Variants in BICD1 observed in about 807,000 individuals in gnomAD.
BICD1 encodes the protein protein bicaudal D homolog 1.
Under a neutral mutation model 92.5 loss-of-function variants are expected in BICD1, and 35 were observed. That is an observed-to-expected ratio of 0.38 (90% CI 0.29 to 0.50). The LOEUF is 0.50. BICD1 is among the 20% of genes least tolerant of loss of function. The probability of loss-of-function intolerance (pLI) is 0.93; values close to 1 mark genes in which losing one functional copy is unlikely to be tolerated. For synonymous variants in BICD1, 429 were observed against 465.1 expected, an observed-to-expected ratio of 0.92 and a Z score of 1.00; for missense variants, 950 against 1,189.8, an observed-to-expected ratio of 0.80 and a Z score of 2.97.
chr12:32,235,765 A>C (rs1023009409), intron 2 of BICD1, among the ~76,000 whole-genome samples: 2 of 147,064 alleles, frequency 1.4e-5, no homozygotes, highest in Admixed American at 1.4e-4. Context: ...CAGTGGTGCG[A>C]TCTTGGCTCA....
At chr12:32,281,405 T>C (rs896732770) in intron 2 of BICD1, among the ~76,000 whole-genome samples, 3 of 152,182 alleles carry the variant, frequency 2.0e-5, no homozygotes, top group African/African-American at 7.2e-5. Context: ...CAACAGAGAA[T>C]TGGGCTTGCC....
rs2136264263 is a variant in BICD1, at chr12:32,328,921, C to T, written c.2100+366C>T. 6.6e-6 allele frequency among the ~76,000 whole-genome samples: 1 copy of T among 152,120 alleles called. No homozygotes were observed. The highest frequency in any genetic ancestry group is 1.5e-5 in the Non-Finnish European group (1 of 68,004). ...CAGAATAGGCTGGCAAGGCAGGTTA[C>T]ACCAACCAGGGCGATACAGCAAGAA... On this transcript the variant is annotated intron_variant, in intron 5 of 9. Coordinates refer to ENST00000652176, the MANE Select transcript of BICD1 (RefSeq NM_001714.4). This position sits in a 1 kb window ranked among gnomAD's most constrained non-coding sequence, Gnocchi z 4.4.
At chr12:32,243,125 G>T (rs1252088054) in intron 2 of BICD1, among the ~76,000 whole-genome samples, 1 of 151,400 alleles carries the variant, frequency 6.6e-6, no homozygotes, top group South Asian at 2.1e-4. Flanking sequence ...TTGAGACAGG[G>T]TCTCACTCTT....
At chr12:32,134,498 T>G (rs550412378) in intron 1 of BICD1, among the ~76,000 whole-genome samples, 1 of 152,304 alleles carries the variant, frequency 6.6e-6, no homozygotes, top group East Asian at 1.9e-4. Context: ...AAAAAAGACC[T>G]TCTCTAATGT....
At chr12:32,249,941 A>G (rs528389373) in intron 2 of BICD1, among the ~76,000 whole-genome samples, 1 of 151,650 alleles carries the variant, frequency 6.6e-6, no homozygotes, top group East Asian at 1.9e-4. Context: ...GGGTTGGCAT[A>G]CCAGATCATT....
At chr12:32,154,034 G>A (rs1476380489) in intron 1 of BICD1, among the ~76,000 whole-genome samples, 2 of 151,900 alleles carry the variant, frequency 1.3e-5, no homozygotes, top group East Asian at 1.9e-4. Context: ...AGTTGCAGAC[G>A]GGAAAGGGAC....
chr12:32,264,739 T>C (rs768525508), intron 2 of BICD1, among the ~76,000 whole-genome samples: 1 of 152,202 alleles, frequency 6.6e-6, no homozygotes, highest in Non-Finnish European at 1.5e-5. Flanking sequence ...TCCACCTACC[T>C]TGGCCTCCCA....
intron 1 of BICD1, among the ~76,000 whole-genome samples, chr12:32,153,066 C>T (rs1387532353): frequency 1.3e-5 from 2 of 152,188 alleles, no homozygotes; most frequent in African/African-American, 4.8e-5. Flanking sequence ...TTGCTCTCCT[C>T]TCTCCCTCTC....
chr12:32,117,709 TATACACAC>T (rs1565526182), intron 1 of BICD1, among the ~76,000 whole-genome samples: 11 of 85,194 alleles, frequency 1.3e-4, no homozygotes, highest in South Asian at 8.4e-4. Flanking sequence ...CACAAATATA[TATACACAC>T]ACACACACAC....
chr12:32,376,474 A>G (rs61927173), intron 9 of BICD1, among the ~76,000 whole-genome samples: 66,051 of 151,884 alleles, frequency 0.43, 14,911 homozygotes, highest in East Asian at 0.58. Flanking sequence ...TTATTCTTCA[A>G]GATTATTCAT....
chr12:32,242,257 G>A (rs1447424565), intron 2 of BICD1, among the ~76,000 whole-genome samples: 6 of 145,516 alleles, frequency 4.1e-5, no homozygotes, highest in Admixed American at 7.0e-5. Flanking sequence ...CATATGCAGT[G>A]GCTCATGTCT....
At chr12:32,271,422 G>A (rs1266256518) in intron 2 of BICD1, among the ~76,000 whole-genome samples, 1 of 152,190 alleles carries the variant, frequency 6.6e-6, no homozygotes, top group Non-Finnish European at 1.5e-5. Flanking sequence ...GACAGACCAT[G>A]ACCTTAATTA....
At chr12:32,335,580 C>CT (rs11423390) in intron 6 of BICD1, among the ~76,000 whole-genome samples, 47,633 of 131,900 alleles carry the variant, frequency 0.36, 10,140 homozygotes, top group East Asian at 0.63. Context: ...AAAAGACCTA[C>CT]TTTTTTTTTT....
Position 32,107,165 on chromosome 12 carries a change from C to A in BICD1, c.-167C>A. On this transcript the variant is annotated 5_prime_UTR_variant, in exon 1 of 10. In the 5' UTR this introduces an upstream ATG that the reference lacks. Transcript: ENST00000652176. ...CTCGTCAGTTTCTCGGGCGGTGTAG[C>A]TGCCGCTGCCACCAGAGCCGGCGGG... 1 of 661,576 alleles carries A rather than the reference C, an allele frequency of 1.5e-6. No homozygotes were observed. Among genetic ancestry groups the A allele is most frequent in the Non-Finnish European group, 2.6e-6 (1 of 387,346 alleles). The allele number at this position is 661,576 out of a possible 1,614,324, so 41.0% of individuals were successfully genotyped here.
intron 4 of BICD1, among the ~76,000 whole-genome samples, chr12:32,311,313 T>C (rs1349407000): frequency 6.6e-6 from 1 of 152,038 alleles, no homozygotes; most frequent in Non-Finnish European, 1.5e-5. Context: ...CTGGCCAACA[T>C]GGTGAAACCC....
At chr12:32,125,399 G>A (rs1186188631) in intron 1 of BICD1, among the ~76,000 whole-genome samples, 1 of 152,154 alleles carries the variant, frequency 6.6e-6, no homozygotes, top group Non-Finnish European at 1.5e-5. Context: ...GCTGGTTCAA[G>A]TTTAACCTCC....
chr12:32,303,446 G>A (rs10844174), intron 3 of BICD1, among the ~76,000 whole-genome samples: 25,420 of 152,012 alleles, frequency 0.17, 2,713 homozygotes, highest in African/African-American at 0.29. Flanking sequence ...CCCTTCTGAC[G>A]GTGTATTTCT....
At chr12:32,224,034 C>A (rs943991684) in intron 2 of BICD1, among the ~76,000 whole-genome samples, 11 of 152,216 alleles carry the variant, frequency 7.2e-5, no homozygotes, top group African/African-American at 2.4e-4. Context: ...CACAGACACA[C>A]AAAGTGAGCA....
At chr12:32,130,899 G>A in intron 1 of BICD1, among the ~76,000 whole-genome samples, 1 of 152,024 alleles carries the variant, frequency 6.6e-6, no homozygotes, top group East Asian at 1.9e-4. Context: ...GTTCAGTGGT[G>A]TGATCTCAGC....
Sources: allele counts gnomAD v4.1 joint callset (sites outside exome capture counted in the v4.1 genomes callset), GRCh38; gene constraint gnomAD v4.1.1; non-coding constraint Gnocchi (gnomAD v3.1); transcripts MANE v1.5; gene names NCBI Gene and HGNC (gene_info 2026-07-23, HGNC 2026-07-21).